The following INSR variants were observed in gnomAD, a reference collection of about 807,000 sequenced individuals.
INSR encodes IR.
A neutral mutation model predicts 142.6 loss-of-function variants in INSR; 67 were observed. The observed-to-expected ratio is 0.47, with a 90% confidence interval of 0.39 to 0.58. INSR has a LOEUF of 0.58. Ranked by LOEUF, INSR falls within the 20% of genes least tolerant of loss-of-function variation. The pLI is 0.00. For missense variants in INSR, 1,248 were observed against 1,833.2 expected, an observed-to-expected ratio of 0.68 and a Z score of 5.83; for synonymous variants, 756 against 743.1, an observed-to-expected ratio of 1.02 and a Z score of -0.28.
At chr19:7,277,229 A>G (rs1392116261) in intron 1 of INSR, among the ~76,000 whole-genome samples, 1 of 152,158 alleles carries the variant, frequency 6.6e-6, no homozygotes. Flanking sequence ...CCTGCCTGCA[A>G]GAATAGCTTT....
At chr19:7,118,839 C>CG (rs1226254909) in intron 21 of INSR, among the ~76,000 whole-genome samples, 2 of 148,318 alleles carry the variant, frequency 1.3e-5, no homozygotes, top group Non-Finnish European at 3.0e-5. Flanking sequence ...GGTGTGAACC[C>CG]GGGAGGCGGA....
At chr19:7,291,483 G>A (rs2145259056) in intron 1 of INSR, among the ~76,000 whole-genome samples, 1 of 152,306 alleles carries the variant, frequency 6.6e-6, no homozygotes. Flanking sequence ...TCCTTAAGAT[G>A]ATAAAGGAGC....
chr19:7,279,585 T>C (rs1215299148), intron 1 of INSR, among the ~76,000 whole-genome samples: 1 of 150,710 alleles, frequency 6.6e-6, no homozygotes, highest in African/African-American at 2.4e-5. Context: ...GGGATGTGGG[T>C]CCCGTGGGCA....
At position 7,170,643 on chromosome 19, in the gene INSR, G is replaced by A; in HGVS notation, c.1377C>T (p.Pro459=). 1.9e-6 allele frequency: 3 copies of A among 1,613,968 alleles called. No homozygotes were observed. The highest frequency in any genetic ancestry group is 2.5e-6 in the Non-Finnish European group (3 of 1,179,982). ...TQGKLFFHYN[P]KLCLSEIHKM... ...TGTGGATTTCTGACAAGCAGAGTTT[G>A]GGGTTATAGTGGAAGAAGAGTTTCC... The change falls in exon 6 of 22, where the codon CCC becomes CCT. Residue 459 remains proline, a synonymous_variant. Transcript: ENST00000302850.
chr19:7,260,133 G>A (rs1253727018), intron 2 of INSR, among the ~76,000 whole-genome samples: 1 of 152,176 alleles, frequency 6.6e-6, no homozygotes, highest in East Asian at 1.9e-4. Flanking sequence ...TTAAACTCGT[G>A]CATTTAAATA....
intron 2 of INSR, among the ~76,000 whole-genome samples, chr19:7,201,119 C>T (rs8109687): frequency 0.18 from 28,007 of 152,008 alleles, 4,449 homozygotes; most frequent in African/African-American, 0.44. Flanking sequence ...ATGTTTCCTG[C>T]ATTTTGAGTC....
intron 1 of INSR, among the ~76,000 whole-genome samples, chr19:7,289,037 G>C (rs1968420046): frequency 6.6e-6 from 1 of 151,872 alleles, no homozygotes; most frequent in Admixed American, 6.6e-5. Context: ...TCTTAGCCCA[G>C]GTAGAAGGAG....
intron 2 of INSR, among the ~76,000 whole-genome samples, chr19:7,189,251 G>A (rs1302670272): frequency 6.6e-6 from 1 of 152,192 alleles, no homozygotes; most frequent in Non-Finnish European, 1.5e-5. Context: ...ATTCAAAAGA[G>A]GCGTCATCAA....
chr19:7,242,053 G>T (rs12608943), intron 2 of INSR, among the ~76,000 whole-genome samples: 109,216 of 151,500 alleles, frequency 0.72, 40,869 homozygotes, highest in South Asian at 0.84. Context: ...TTAGGAGGCT[G>T]AGGCAGGAGA....
Position 7,150,629 on chromosome 19 carries a change from G to A in INSR, c.2232-97C>T. On this transcript the variant is annotated intron_variant, in intron 10 of 21. Transcript: ENST00000302850. This position sits in a 1 kb window ranked among gnomAD's most constrained non-coding sequence, Gnocchi z 4.2. Reference sequence around the variant, plus strand: ...TGGAGGCCACATGTGTCCGAGTAAGGGCACCCTGGCTTTGACCCTGGACCA... The same window carrying A: ...TGGAGGCCACATGTGTCCGAGTAAGAGCACCCTGGCTTTGACCCTGGACCA... The A allele has an allele frequency of 8.4e-7, 1 of 1,191,092 alleles. No individual in the cohort carries two copies. Among genetic ancestry groups the A allele is most frequent in the Non-Finnish European group, 1.2e-6 (1 of 803,770 alleles). The allele number at this position is 1,191,092 out of a possible 1,614,324, so 73.8% of individuals were successfully genotyped here. A position where few individuals can be genotyped will look rare whatever the true frequency, so the allele number is the denominator to read the frequency against.
chr19:7,152,635 G>T, intron 10 of INSR, 91 bp downstream of exon 10: 1 of 1,046,664 alleles, frequency 9.6e-7, no homozygotes, highest in Non-Finnish European at 1.5e-6. Context: ...CCGTCTCTGG[G>T]TCCCACTACC....
intron 8 of INSR, among the ~76,000 whole-genome samples, chr19:7,165,119 C>CT (rs1048831499): frequency 6.7e-6 from 1 of 149,694 alleles, no homozygotes; most frequent in Non-Finnish European, 1.5e-5. Context: ...GAGTGAGACT[C>CT]TGTCTCAAAA....
rs200682002 is a variant in INSR at position 7,119,419 on chromosome 19, T to G, written c.3794+30A>C. ...GGGCAATACCCTTTCAACGAACACC[T>G]CACACACCTTAAACCCTTTCTACAC... On this transcript the variant is annotated intron_variant, in intron 21 of 21. Transcript: ENST00000302850. The surrounding 1 kb of genome is among the most constrained non-coding windows in gnomAD (Gnocchi z 5.2). 1.2e-6 allele frequency: 2 copies of G among 1,613,774 alleles called. No individual in the cohort carries two copies. Among genetic ancestry groups the G allele is most frequent in the East Asian group, 4.5e-5 (2 of 44,854 alleles).
chr19:7,257,125 TAG>T (rs1293925343), intron 2 of INSR, among the ~76,000 whole-genome samples: 1 of 151,882 alleles, frequency 6.6e-6, no homozygotes, highest in African/African-American at 2.4e-5. Context: ...GTATTTTTAG[TAG>T]AGACGGGGTT....
intron 2 of INSR, 25 bp from the exon 3 acceptor site, chr19:7,184,662 G>GAAA: frequency 1.0e-6 from 1 of 982,332 alleles, no homozygotes; most frequent in Non-Finnish European, 1.4e-6. Context: ...AGAGAGAGAG[G>GAAA]GAAATAAATA....
In INSR at chr19:7,125,325, G is replaced by A. The variant is rs1190253644; in HGVS notation, c.3216C>T (p.Leu1072=). 6.2e-7 allele frequency: 1 copy of A among 1,613,948 alleles called. No homozygotes were observed. The highest frequency in any genetic ancestry group is 1.3e-5 in the African/African-American group (1 of 74,902). ...SASLRERIEF[L]NEASVMKGFT... is the part of the protein sequence containing the mutation. ...AGCCCTTCATGACCGAGGCCTCATT[G>A]AGGAACTCAATCCGCTCTCGGAGAC... Residue 1072 remains leucine (L), a synonymous_variant, in exon 17 of 22, where the codon CTC becomes CTT. Transcript: ENST00000302850. This position sits in a 1 kb window ranked among gnomAD's most constrained non-coding sequence, Gnocchi z 4.9.
At chr19:7,224,944 GAAAGAAAAGGGGA>G (rs1975734535) in intron 2 of INSR, among the ~76,000 whole-genome samples, 1 of 151,828 alleles carries the variant, frequency 6.6e-6, no homozygotes, top group African/African-American at 2.4e-5. Context: ...GGGAACAGAG[GAAAGAAAAGGGGA>G]TGAGAGAGAG....
intron 1 of INSR, among the ~76,000 whole-genome samples, chr19:7,280,136 C>T (rs1009060101): frequency 4.6e-5 from 7 of 151,904 alleles, no homozygotes; most frequent in Non-Finnish European, 7.4e-5. Flanking sequence ...TGGTGGCAGG[C>T]GCCTGTAGTC....
chr19:7,132,535 A>G (rs2144833078), intron 13 of INSR, among the ~76,000 whole-genome samples: 1 of 152,064 alleles, frequency 6.6e-6, no homozygotes, highest in South Asian at 2.1e-4. Flanking sequence ...TATCGGTAAG[A>G]GCCAGACTTC....
Sources: allele counts gnomAD v4.1 joint callset (sites outside exome capture counted in the v4.1 genomes callset), GRCh38; gene constraint gnomAD v4.1.1; non-coding constraint Gnocchi (gnomAD v3.1); transcripts MANE v1.5; gene names NCBI Gene and HGNC (gene_info 2026-07-23, HGNC 2026-07-21).